The following NOP53 variants were observed in gnomAD, a reference collection of about 807,000 sequenced individuals.
The protein encoded by NOP53 is NOP53 ribosome biogenesis factor.
NOP53 carries 40 observed loss-of-function variants against 61.0 expected under a neutral mutation model. The ratio of observed to expected loss-of-function variants is 0.66; its 90% confidence interval spans 0.51 to 0.85. NOP53 has a LOEUF of 0.85. Ranked by LOEUF, NOP53 falls within the 40% of genes least tolerant of loss-of-function variation. The probability of loss-of-function intolerance (pLI) is 0.00; values close to 1 mark genes in which losing one functional copy is unlikely to be tolerated. For missense variants in NOP53, 689 were observed against 652.9 expected, an observed-to-expected ratio of 1.06 and a Z score of -0.60; for synonymous variants, 308 against 289.5, an observed-to-expected ratio of 1.06 and a Z score of -0.65.
At position 47,755,775 on chromosome 19, in the gene NOP53, G is replaced by A. The variant is rs1289391080; in HGVS notation, c.1249G>A (p.Asp417Asn). The A allele has an allele frequency of 1.9e-6, 3 of 1,610,748 alleles. No homozygotes were observed. Among genetic ancestry groups the A allele is most frequent in the Admixed American group, 3.3e-5 (2 of 59,762 alleles). ...CTGCAGGTACCAGGCACCTGACATC[G>A]ACGTGCAGCTGAGCTCGGAGCTGAC... is the stretch of plus-strand genomic sequence containing the variant. Reference protein sequence around the residue: ...GRLKYQAPDIDVQLSSELTDS... With the variant: ...GRLKYQAPDINVQLSSELTDS... The change falls in exon 10 of 13, where the codon GAC (aspartate) becomes AAC (asparagine). Residue 417 changes from aspartate (D) to asparagine (N), a missense_variant. Coordinates refer to ENST00000246802, the MANE Select transcript of NOP53 (RefSeq NM_015710.5).
chr19:47,746,371 CT>C (rs577180022), intron 1 of NOP53: 26 of 147,632 alleles, frequency 1.8e-4, no homozygotes, highest in East Asian at 9.8e-4. Flanking sequence ...TTTCTTTTTT[CT>C]TTTTTTTTTG....
chr19:47,748,593 G>A (rs1309115237), intron 2 of NOP53, among the ~76,000 whole-genome samples: 2 of 151,946 alleles, frequency 1.3e-5, no homozygotes, highest in African/African-American at 4.8e-5. Flanking sequence ...CAATAGGCAG[G>A]TAAAAAGTGG....
intron 2 of NOP53, 100 bp downstream of exon 2, chr19:47,747,131 A>G: frequency 3.2e-6 from 3 of 926,098 alleles, no homozygotes; most frequent in African/African-American, 1.7e-5. Flanking sequence ...TTGGAAGGCA[A>G]ATATCTGCGG....
chr19:47,754,444 T>TG lies in NOP53; in HGVS notation c.766-82dup, dbSNP rs1967161641. 9.1e-7 allele frequency: 1 copy of TG among 1,097,290 alleles called. No homozygotes were observed. 68.0% of individuals were successfully genotyped at this position (1,097,290 alleles called of 1,614,324 possible). On this transcript the variant is annotated intron_variant, in intron 6 of 12. Transcript: ENST00000246802. This position sits in a 1 kb window ranked among gnomAD's most constrained non-coding sequence, Gnocchi z 4.2. ...CGGGGCGGGATCCACGGGCACTGGA[T>TG]GAGGGACAGATGGGAGGTAAGAGGG... is the stretch of plus-strand genomic sequence containing the variant.
chr19:47,756,108 A>C (rs1165443035), intron 10 of NOP53: 30 of 531,316 alleles, frequency 5.6e-5, no homozygotes, highest in Non-Finnish European at 9.8e-5. Context: ...CTCAGAACCA[A>C]CCCTGTCCCT....
At chr19:47,747,658 C>A (rs1353030621) in intron 2 of NOP53, among the ~76,000 whole-genome samples, 2 of 151,698 alleles carry the variant, frequency 1.3e-5, no homozygotes, top group African/African-American at 4.8e-5. Flanking sequence ...GCGCTGTCAT[C>A]CAGGCTGGAG....
intron 2 of NOP53, among the ~76,000 whole-genome samples, chr19:47,748,387 T>C (rs1185228575): frequency 6.6e-6 from 1 of 152,024 alleles, no homozygotes; most frequent in African/African-American, 2.4e-5. Context: ...TTTACTTCAA[T>C]ATGTAGAAAA....
Position 47,756,142 on chromosome 19 carries a change from C to T in NOP53, c.1296+320C>T. The T allele has an allele frequency of 2.0e-5, 10 of 510,752 alleles. No individual in the cohort carries two copies. In the South Asian group the frequency reaches 2.3e-4, roughly 12 times the overall value. The allele number at this position is 510,752 out of a possible 1,614,324, so 31.6% of individuals were successfully genotyped here. ...CTCCCCTGCTCGGAACCTGCTGTGG[C>T]TCCCCAGTGCCCCTGAGGAAGCCCA... On this transcript the variant is annotated intron_variant, in intron 10 of 12. Transcript: ENST00000246802.
chr19:47,754,466 AG>A lies in NOP53; in HGVS notation c.766-58del. The A allele has an allele frequency of 1.6e-6, 2 of 1,269,778 alleles. No homozygotes were observed. Among genetic ancestry groups the A allele is most frequent in the South Asian group, 2.6e-5 (2 of 77,666 alleles). The allele number at this position is 1,269,778 out of a possible 1,614,324, so 78.7% of individuals were successfully genotyped here. On this transcript the variant is annotated intron_variant, in intron 6 of 12. Transcript: ENST00000246802. The surrounding 1 kb of genome is among the most constrained non-coding windows in gnomAD (Gnocchi z 4.2). ...GGATGAGGGACAGATGGGAGGTAAG[AG>A]GGTCTAGTCTCAGTGTCCCAGGAGG...
chr19:47,751,099 C>A lies in NOP53; in HGVS notation c.590C>A (p.Ala197Asp). 1 of 1,605,202 alleles carries A rather than the reference C, an allele frequency of 6.2e-7. No individual in the cohort carries two copies. Among genetic ancestry groups the A allele is most frequent in the Non-Finnish European group, 8.5e-7 (1 of 1,176,550 alleles). The change falls in exon 4 of 13, where the codon GCC becomes GAC. Residue 197 changes from alanine to aspartate, a missense_variant. Ala to Asp is a moderately radical substitution (Grantham distance 126, BLOSUM62 -2). Coordinates refer to ENST00000246802, the MANE Select transcript of NOP53 (RefSeq NM_015710.5). ...TVERPFYDLW[A>D]SDNPLDRPLV... ...GAGCGGCCCTTCTACGACCTCTGGG[C>A]CTCAGACAGTGAGTGATCCTGCTGT...
chr19:47,748,402 A>T (rs1967088856), intron 2 of NOP53, among the ~76,000 whole-genome samples: 1 of 152,128 alleles, frequency 6.6e-6, no homozygotes, highest in Admixed American at 6.6e-5. Flanking sequence ...AGAAAAACAA[A>T]CTAAGAACAG....
At chr19:47,756,288 G>C (rs1016876161) in intron 10 of NOP53, 1 of 578,290 alleles carries the variant, frequency 1.7e-6, no homozygotes, top group Non-Finnish European at 3.1e-6. Flanking sequence ...CCCCTTTTCT[G>C]TGTCGTCACC....
chr19:47,754,994 C>T lies in NOP53; in HGVS notation c.1053+103C>T, dbSNP rs1164663802. 1.9e-5 allele frequency: 21 copies of T among 1,080,770 alleles called. No homozygotes were observed. The highest frequency in any genetic ancestry group is 2.6e-5 in the Non-Finnish European group (20 of 783,132). 66.9% of individuals were successfully genotyped at this position (1,080,770 alleles called of 1,614,324 possible). ...GGTGCTGCGGGCAGCCTGCACACCC[C>T]AAGCCCCGCATGTGGCCTGTGGTTT... On this transcript the variant is annotated intron_variant, in intron 8 of 12. Coordinates refer to ENST00000246802, the MANE Select transcript of NOP53 (RefSeq NM_015710.5). This position sits in a 1 kb window ranked among gnomAD's most constrained non-coding sequence, Gnocchi z 4.2.
Position 47,756,733 on chromosome 19 carries a change from C to A in NOP53, c.1419C>A (p.Phe473Leu), listed in dbSNP as rs1455641575. Reference sequence around the variant, plus strand: ...TGAAGCTGGTGGAGAAGCGGGCGTTCCGTGAGATCCAGTGAGTCCACCCGG... The same window carrying A: ...TGAAGCTGGTGGAGAAGCGGGCGTTACGTGAGATCCAGTGAGTCCACCCGG... ...YKVKLVEKRA[F>L]REIQL The change falls in exon 12 of 13, where the codon TTC (phenylalanine) becomes TTA (leucine). Residue 473 changes from phenylalanine (F) to leucine (L), a missense_variant. Coordinates refer to ENST00000246802, the MANE Select transcript of NOP53 (RefSeq NM_015710.5). 1.2e-6 allele frequency: 2 copies of A among 1,613,360 alleles called. No homozygotes were observed. The highest frequency in any genetic ancestry group is 1.7e-6 in the Non-Finnish European group (2 of 1,179,954).
In NOP53 at chr19:47,754,870, G is replaced by C; in HGVS notation, c.1032G>C (p.Arg344=). 2 of 1,523,036 alleles carry C rather than the reference G, an allele frequency of 1.3e-6. No homozygotes were observed. Among genetic ancestry groups the C allele is most frequent in the Non-Finnish European group, 1.7e-6 (2 of 1,145,056 alleles). The allele number at this position is 1,523,036 out of a possible 1,614,324, so 94.3% of individuals were successfully genotyped here. Residue 344 remains arginine, a synonymous_variant, in exon 8 of 13, where the codon CGG becomes CGC. Coordinates refer to ENST00000246802, the MANE Select transcript of NOP53 (RefSeq NM_015710.5). The surrounding 1 kb of genome is among the most constrained non-coding windows in gnomAD (Gnocchi z 4.2). The part of the protein sequence containing the change: ...TEKKTEQQRR[R]EKAVHRLRVQ... ...AGAAGACGGAGCAGCAGCGGCGGCGGGAGAAGGCTGTGCACAGGCTGGTGA... is the reference window on the plus strand; with the variant it reads ...AGAAGACGGAGCAGCAGCGGCGGCGCGAGAAGGCTGTGCACAGGCTGGTGA...
chr19:47,745,886 G>T, intron 1 of NOP53, 103 bp downstream of exon 1: 1 of 297,690 alleles, frequency 3.4e-6, no homozygotes. Context: ...TCGGGGGTCG[G>T]GGGTTGGGGG....
At position 47,745,782 on chromosome 19, in the gene NOP53, G is replaced by T. The variant is rs761356503; in HGVS notation, c.223G>T (p.Gly75Cys). ...CGTGCGGCTACAGGAGCGCACGAGC[G>T]GGTACGTTGGGCGGGACTTCCGGGA... is the stretch of plus-strand genomic sequence containing the variant. Reference protein sequence around the residue: ...EDVRLQERTSGGLLSEAPNEK... With the variant: ...EDVRLQERTSCGLLSEAPNEK... Residue 75 changes from glycine to cysteine, a missense_variant and splice_region_variant, in exon 1 of 13, where the codon GGT becomes TGT. By Grantham distance (159) the Gly-to-Cys change is radical (BLOSUM62 -3). Coordinates refer to ENST00000246802, the MANE Select transcript of NOP53 (RefSeq NM_015710.5). 6.5e-7 allele frequency: 1 copy of T among 1,536,178 alleles called. No homozygotes were observed. The highest frequency in any genetic ancestry group is 8.8e-7 in the Non-Finnish European group (1 of 1,142,798).
In NOP53 at chr19:47,751,059, C is replaced by T. The variant is rs1228935237; in HGVS notation, c.550C>T (p.Pro184Ser). Residue 184 changes from proline (P) to serine (S), a missense_variant, in exon 4 of 13, where the codon CCC becomes TCC. By Grantham distance (74) the Pro-to-Ser change is moderately conservative. Transcript: ENST00000246802. ...TTCTGCAACAAGGGCCAAGCCCGGG[C>T]CCCAGGACACCGTAGAGCGGCCCTT... ...NPSATRAKPG[P>S]QDTVERPFYD... 6.2e-7 allele frequency: 1 copy of T among 1,608,424 alleles called. No individual in the cohort carries two copies. The highest frequency in any genetic ancestry group is 1.1e-5 in the South Asian group (1 of 89,674).
intron 2 of NOP53, among the ~76,000 whole-genome samples, chr19:47,749,155 T>C (rs1568598196): frequency 6.7e-6 from 1 of 149,748 alleles, no homozygotes; most frequent in Non-Finnish European, 1.5e-5. Flanking sequence ...TACAAGACTC[T>C]GTCTCAAAAA....
Sources: allele counts gnomAD v4.1 joint callset (sites outside exome capture counted in the v4.1 genomes callset), GRCh38; gene constraint gnomAD v4.1.1; non-coding constraint Gnocchi (gnomAD v3.1); transcripts MANE v1.5; gene names NCBI Gene and HGNC (gene_info 2026-07-23, HGNC 2026-07-21).